Variants in ARHGEF19 observed in about 807,000 individuals in gnomAD.
ARHGEF19 encodes Rho guanine nucleotide exchange factor (GEF) 19.
A neutral mutation model predicts 87.6 loss-of-function variants in ARHGEF19; 92 were observed. The ratio of observed to expected loss-of-function variants is 1.05; its 90% CI spans 0.89 to 1.25. The LOEUF (loss-of-function observed/expected upper bound fraction) is 1.25, where lower values mean the gene tolerates loss of function less well. ARHGEF19 is among the 50% of genes most tolerant of loss of function. The probability of loss-of-function intolerance (pLI) is 0.00; values close to 1 mark genes in which losing one functional copy is unlikely to be tolerated. For missense variants in ARHGEF19, 1,054 were observed against 1,051.8 expected (o/e 1.00, Z -0.03); for synonymous variants, 438 against 446.2 (o/e 0.98, Z 0.23).
chr1:16,207,106 CCT>C lies in ARHGEF19; in HGVS notation c.977_978del (p.Glu326GlyfsTer57). ...GPGDEAEGAE[E>X]GPGPPRANLS... ...AGGTTGGCCCGCGGCGGCCCCGGCCCCTCCTCTGCGCCCTCGGCCTCGTCCCC... is the reference window on the plus strand; with the variant it reads ...AGGTTGGCCCGCGGCGGCCCCGGCCCCCTCTGCGCCCTCGGCCTCGTCCCC... On this transcript the variant is annotated frameshift_variant, in exon 6 of 16. Transcript: ENST00000270747. LOFTEE classifies it high-confidence loss of function. The surrounding 1 kb of genome is among the most constrained non-coding windows in gnomAD (Gnocchi z 4.0). The C allele has an allele frequency of 6.6e-7, 1 of 1,512,980 alleles. No homozygotes were observed. Among genetic ancestry groups the C allele is most frequent in the East Asian group, 2.7e-5 (1 of 36,946 alleles). The allele number at this position is 1,512,980 out of a possible 1,614,324, so 93.7% of individuals were successfully genotyped here.
chr1:16,199,098 C>G, intron 15 of ARHGEF19, 52 bp downstream of exon 15: 1 of 1,573,866 alleles, frequency 6.4e-7, no homozygotes, highest in South Asian at 1.1e-5. Flanking sequence ...ATCTAGCCAC[C>G]TCCTGCCCAC....
At position 16,206,719 on chromosome 1, in the gene ARHGEF19, C is replaced by G. The variant is rs989806735; in HGVS notation, c.1137+229G>C. The stretch of plus-strand genomic sequence containing the variant: ...GGTTTCGTCCCGCTGGCTCCGCCCC[C>G]TACCCGCACCCAAGCCCGGCTCCCC... On this transcript the variant is annotated intron_variant, in intron 6 of 15. Transcript: ENST00000270747. The surrounding 1 kb of genome is among the most constrained non-coding windows in gnomAD (Gnocchi z 4.6). Among the ~76,000 whole-genome samples the G allele has an allele frequency of 1.3e-5, 2 of 152,006 alleles. No individual in the cohort carries two copies. The highest frequency in any genetic ancestry group is 1.3e-4 in the Admixed American group (2 of 15,268).
intron 14 of ARHGEF19, among the ~76,000 whole-genome samples, chr1:16,201,252 C>A (rs2081081233): frequency 6.6e-6 from 1 of 152,138 alleles, no homozygotes; most frequent in Non-Finnish European, 1.5e-5. Context: ...TTCAATAGCT[C>A]CCTAGGGACA....
chr1:16,200,019 A>T (rs1243863914), intron 14 of ARHGEF19, among the ~76,000 whole-genome samples: 1 of 151,992 alleles, frequency 6.6e-6, no homozygotes, highest in African/African-American at 2.4e-5. Context: ...ACCTCTCCTC[A>T]TCCTTCAGGG....
At chr1:16,204,528 C>T (rs559913356) in intron 12 of ARHGEF19, among the ~76,000 whole-genome samples, 134 of 152,320 alleles carry the variant, frequency 8.8e-4, no homozygotes, top group African/African-American at 3.1e-3. Context: ...CACAGCATCT[C>T]CAAGTCCTCG....
In ARHGEF19 at chr1:16,206,118, C is replaced by G; in HGVS notation, c.1299-35G>C. 1 of 1,574,182 alleles carries G rather than the reference C, an allele frequency of 6.4e-7. No homozygotes were observed. Among genetic ancestry groups the G allele is most frequent in the Non-Finnish European group, 8.6e-7 (1 of 1,158,524 alleles). ...CAGAGCCAGGATGGAGACCCCAGAT[C>G]TGGGAGCTGGCCAACCACTGGCTCC... On this transcript the variant is annotated intron_variant, in intron 7 of 15. Transcript: ENST00000270747. The surrounding 1 kb of genome is among the most constrained non-coding windows in gnomAD (Gnocchi z 4.6).
At chr1:16,208,337 G>T in intron 2 of ARHGEF19, 112 bp from the exon 3 acceptor site, 1 of 1,337,800 alleles carries the variant, frequency 7.5e-7, no homozygotes, top group African/African-American at 1.5e-5. Flanking sequence ...ATGCCCAAGG[G>T]AAGGGCCTGT....
intron 1 of ARHGEF19, among the ~76,000 whole-genome samples, chr1:16,212,261 C>G (rs975747741): frequency 6.6e-6 from 1 of 152,162 alleles, no homozygotes; most frequent in Non-Finnish European, 1.5e-5. Context: ...CCGGGTGCCC[C>G]TTGCCTTGCT....
chr1:16,206,047 A>T lies in ARHGEF19; in HGVS notation c.1335T>A (p.Asp445Glu). ...CGTCGCACACGCTGAAGCGCAGCAC[A>T]TCTGCCTCCAGCCGCTGCTCCAGGT... The part of the protein sequence containing the change: ...LQDLEQRLEA[D>E]VLRFSVCDVV... The change falls in exon 8 of 16, where the codon GAT (aspartate) becomes GAA (glutamate). Residue 445 changes from aspartate (D) to glutamate (E), a missense_variant. Asp to Glu is a conservative substitution (Grantham distance 45). Coordinates refer to ENST00000270747, the MANE Select transcript of ARHGEF19 (RefSeq NM_153213.5). The surrounding 1 kb of genome is among the most constrained non-coding windows in gnomAD (Gnocchi z 4.6). The T allele has an allele frequency of 6.3e-7, 1 of 1,588,178 alleles. No homozygotes were observed. The highest frequency in any genetic ancestry group is 8.6e-7 in the Non-Finnish European group (1 of 1,167,296).
In ARHGEF19 at chr1:16,205,508, C is replaced by A. The variant is rs768554655; in HGVS notation, c.1581+30G>T. ...CCACAGGTGTATCTCCCTCGCCCAG[C>A]CCTCACTGTGGCCTGTCCCCTCGAG... On this transcript the variant is annotated intron_variant, in intron 9 of 15. Transcript: ENST00000270747. This position sits in a 1 kb window ranked among gnomAD's most constrained non-coding sequence, Gnocchi z 5.8. 2 of 1,613,856 alleles carry A rather than the reference C, an allele frequency of 1.2e-6. No individual in the cohort carries two copies. Among genetic ancestry groups the A allele is most frequent in the Non-Finnish European group, 1.7e-6 (2 of 1,179,882 alleles).
rs201835170 is a variant in ARHGEF19, at chr1:16,205,218, C to T, written c.1657-42G>A. 1.5e-4 allele frequency: 234 copies of T among 1,591,122 alleles called. No individual in the cohort carries two copies. The African/African-American group carries it at 1.9e-3, about 13-fold the overall frequency. ...GAGGTCACCTGCAGCCCCTCAGCTC[C>T]GGCTCCCAGAGCCCAGCCTCAGACT... On this transcript the variant is annotated intron_variant, in intron 10 of 15. Transcript: ENST00000270747. This position sits in a 1 kb window ranked among gnomAD's most constrained non-coding sequence, Gnocchi z 5.8.
chr1:16,211,869 C>G (rs74054958), intron 1 of ARHGEF19, among the ~76,000 whole-genome samples: 6,533 of 152,278 alleles, frequency 0.043, 447 homozygotes, highest in African/African-American at 0.15. Flanking sequence ...GATAGAGACT[C>G]TTGTGTCTAC....
rs1167185212 is a variant in ARHGEF19, at chr1:16,206,979, G to A, written c.1106C>T (p.Thr369Met). 2.0e-6 allele frequency: 3 copies of A among 1,511,824 alleles called. No individual in the cohort carries two copies. Among genetic ancestry groups the A allele is most frequent in the Admixed American group, 4.2e-5 (2 of 47,108 alleles). 93.7% of individuals were successfully genotyped at this position (1,511,824 alleles called of 1,614,324 possible). A position where few individuals can be genotyped will look rare whatever the true frequency, so the allele number is the denominator to read the frequency against. ...CAGCTTGCAGTCCCGCAGGCTCAGC[G>A]TGGCCAGGACGCCGCTGCCGCGTAC... ...PDVRGSGVLA[T>M]LSLRDCKLQE... The change falls in exon 6 of 16, where the codon ACG becomes ATG. Residue 369 changes from threonine to methionine, a missense_variant. Physicochemically the swap from Thr to Met is moderately conservative, Grantham distance 81. Transcript: ENST00000270747. The surrounding 1 kb of genome is among the most constrained non-coding windows in gnomAD (Gnocchi z 4.6).
chr1:16,202,429 G>A lies in ARHGEF19; in HGVS notation c.2053C>T (p.Arg685Trp), dbSNP rs746363837. 9 of 1,613,346 alleles carry A rather than the reference G, an allele frequency of 5.6e-6. No individual in the cohort carries two copies. Among genetic ancestry groups the A allele is most frequent in the East Asian group, 4.5e-5 (2 of 44,874 alleles). The change falls in exon 13 of 16, where the codon CGG (arginine) becomes TGG (tryptophan). Residue 685 changes from arginine to tryptophan, a missense_variant. By Grantham distance (101) the Arg-to-Trp change is moderately radical (BLOSUM62 -3). Transcript: ENST00000270747. ...GQHMKHQFLL[R>W]ARTESEKQRW... Reference sequence around the variant, plus strand: ...AGGCCCACTCACTCCGTCCGGGCCCGCAGCAGGAACTGGTGCTTCATGTGC... The same window carrying A: ...AGGCCCACTCACTCCGTCCGGGCCCACAGCAGGAACTGGTGCTTCATGTGC...
chr1:16,206,246 C>T lies in ARHGEF19; in HGVS notation c.1232G>A (p.Cys411Tyr). The change falls in exon 7 of 16, where the codon TGT becomes TAT. Residue 411 changes from cysteine to tyrosine, a missense_variant. By Grantham distance (194) the Cys-to-Tyr change is radical. Coordinates refer to ENST00000270747, the MANE Select transcript of ARHGEF19 (RefSeq NM_153213.5). The surrounding 1 kb of genome is among the most constrained non-coding windows in gnomAD (Gnocchi z 4.6). Reference sequence around the variant, plus strand: ...CCACTGCTTGTCCTGCGCCCCCAGACACTCGCTCAGCTCGGCAGAGCCTAA... The same window carrying T: ...CCACTGCTTGTCCTGCGCCCCCAGATACTCGCTCAGCTCGGCAGAGCCTAA... Reference protein sequence around the residue: ...HFLGSAELSECLGAQDKQWLF... With the variant: ...HFLGSAELSEYLGAQDKQWLF... The T allele has an allele frequency of 6.3e-7, 1 of 1,596,152 alleles. No homozygotes were observed. Among genetic ancestry groups the T allele is most frequent in the South Asian group, 1.1e-5 (1 of 87,838 alleles).
chr1:16,200,556 C>T (rs1387409525), intron 14 of ARHGEF19, among the ~76,000 whole-genome samples: 2 of 151,826 alleles, frequency 1.3e-5, no homozygotes, highest in Non-Finnish European at 2.9e-5. Flanking sequence ...CAGCCATGGT[C>T]AACATGGCAA....
At chr1:16,199,320 G>A in intron 14 of ARHGEF19, 66 bp from the exon 15 acceptor site, 1 of 1,343,192 alleles carries the variant, frequency 7.4e-7, no homozygotes, top group Non-Finnish European at 1.1e-6. Flanking sequence ...GCATGGGTAG[G>A]GCAGGGAGGG....
chr1:16,199,961 C>T (rs72907771), intron 14 of ARHGEF19, among the ~76,000 whole-genome samples: 4,642 of 152,282 alleles, frequency 0.03, 242 homozygotes, highest in African/African-American at 0.11. Context: ...GGCCTTTGTG[C>T]TGGCTCTTCC....
chr1:16,210,597 G>A (rs1004227038), intron 1 of ARHGEF19, among the ~76,000 whole-genome samples: 8 of 152,368 alleles, frequency 5.3e-5, no homozygotes, highest in Admixed American at 4.6e-4. Context: ...CAGAGACACA[G>A]ATGAAGCCCA....
Sources: allele counts gnomAD v4.1 joint callset (sites outside exome capture counted in the v4.1 genomes callset), GRCh38; gene constraint gnomAD v4.1.1; non-coding constraint Gnocchi (gnomAD v3.1); transcripts MANE v1.5; gene names NCBI Gene and HGNC (gene_info 2026-07-23, HGNC 2026-07-21).